The following PPP2R2D variants were observed in gnomAD, a reference collection of about 807,000 sequenced individuals.
PPP2R2D encodes the protein serine/threonine-protein phosphatase 2A 55 kDa regulatory subunit B delta isoform.
A neutral mutation model predicts 31.1 loss-of-function variants in PPP2R2D; 9 were observed. The ratio of observed to expected loss-of-function variants is 0.29; its 90% CI spans 0.17 to 0.51. The LOEUF (loss-of-function observed/expected upper bound fraction) is 0.51. Among genes scored for constraint, PPP2R2D ranks in the 20% least tolerant of loss-of-function variants. The pLI, the probability that PPP2R2D is intolerant of heterozygous loss-of-function variation, is 0.98. For missense variants in PPP2R2D, 391 were observed against 465.6 expected, an observed-to-expected ratio of 0.84 and a Z score of 1.48; for synonymous variants, 179 against 172.6, an observed-to-expected ratio of 1.04 and a Z score of -0.29.
At chr10:131,933,179 G>A (rs952593860) in intron 2 of PPP2R2D, among the ~76,000 whole-genome samples, 11 of 152,290 alleles carry the variant, frequency 7.2e-5, no homozygotes, top group African/African-American at 2.2e-4. Flanking sequence ...AGGGATTCCC[G>A]TGTGAGGCCA....
intron 8 of PPP2R2D, among the ~76,000 whole-genome samples, chr10:131,949,543 G>A (rs2036602647): frequency 6.6e-6 from 1 of 152,194 alleles, no homozygotes. Context: ...GAGCAAGTCA[G>A]CAGAACCACA....
chr10:131,934,986 C>T, intron 3 of PPP2R2D: 1 of 455,160 alleles, frequency 2.2e-6, no homozygotes, highest in Non-Finnish European at 4.4e-6. Flanking sequence ...GGTGTGAATT[C>T]TCTCTTCCCT....
chr10:131,955,733 GAC>G lies in PPP2R2D; in HGVS notation c.1135_1136del (p.Thr379AlafsTer29). 1.3e-6 allele frequency: 2 copies of G among 1,513,510 alleles called. No individual in the cohort carries two copies. Among genetic ancestry groups the G allele is most frequent in the East Asian group, 2.4e-5 (1 of 41,348 alleles). The allele number at this position is 1,513,510 out of a possible 1,614,324, so 93.8% of individuals were successfully genotyped here. A position where few individuals can be genotyped will look rare whatever the true frequency, so the allele number is the denominator to read the frequency against. On this transcript the variant is annotated frameshift_variant, in exon 9 of 9. Coordinates refer to ENST00000455566, the MANE Select transcript of PPP2R2D (RefSeq NM_018461.5). LOFTEE classifies it high-confidence loss of function. ...CAACTTCTTCAGGATGTTTGATAGA[GAC>G]ACGCGGAGGGATGTGACCCTGGAGG... ...YNNFFRMFDRDTRRDVTLEAS... is the reference protein window; with the variant it reads ...YNNFFRMFDRXTRRDVTLEAS...
At chr10:131,970,474 TG>T in the PPP2R2D span, 1 of 1,036,848 alleles carries the variant, frequency 9.6e-7, no homozygotes, top group Non-Finnish European at 1.4e-6. The surrounding 1 kb of genome is among the most constrained non-coding windows in gnomAD (Gnocchi z 4.1). Flanking sequence ...GGCTGCAGGC[TG>T]GTGGTTTCTG....
the PPP2R2D span, chr10:131,966,709 CGA>C: frequency 6.6e-6 from 1 of 152,074 alleles, no homozygotes; most frequent in Non-Finnish European, 1.5e-5. Context: ...TGCCACCACA[CGA>C]GGCTAATTTT....
At chr10:131,926,787 C>G (rs1487733266) in intron 2 of PPP2R2D, among the ~76,000 whole-genome samples, 1 of 152,222 alleles carries the variant, frequency 6.6e-6, no homozygotes, top group Non-Finnish European at 1.5e-5. Flanking sequence ...ACAGCTCTGC[C>G]AGGTGCCGCA....
intron 2 of PPP2R2D, among the ~76,000 whole-genome samples, chr10:131,921,490 T>TG (rs1197751994): frequency 2.6e-5 from 4 of 151,602 alleles, no homozygotes; most frequent in African/African-American, 9.7e-5. Context: ...TGGACCGGGA[T>TG]GGGGGATGGG....
intron 2 of PPP2R2D, among the ~76,000 whole-genome samples, chr10:131,904,829 G>T (rs2035557130): frequency 6.6e-6 from 1 of 152,202 alleles, no homozygotes; most frequent in African/African-American, 2.4e-5. Flanking sequence ...AGGCACTCCT[G>T]ACTTTGGAGG....
intron 2 of PPP2R2D, among the ~76,000 whole-genome samples, chr10:131,902,552 A>G (rs2035517715): frequency 1.3e-5 from 2 of 152,224 alleles, no homozygotes; most frequent in African/African-American, 4.8e-5. Context: ...GATTAAAACT[A>G]GGTGCATTTT....
chr10:131,969,112 C>T, the PPP2R2D span: 21,368 of 154,374 alleles, frequency 0.14, 1,568 homozygotes, highest in Middle Eastern at 0.16. Flanking sequence ...AGGGCAGAAT[C>T]GGAAGCCTGG....
chr10:131,927,980 G>C (rs1554895174), intron 2 of PPP2R2D, among the ~76,000 whole-genome samples: 1 of 152,200 alleles, frequency 6.6e-6, no homozygotes, highest in African/African-American at 2.4e-5. Flanking sequence ...CACGGGATAT[G>C]CATGTTTCAC....
intron 2 of PPP2R2D, among the ~76,000 whole-genome samples, chr10:131,920,547 A>C (rs2035965650): frequency 6.6e-6 from 1 of 152,268 alleles, no homozygotes; most frequent in Non-Finnish European, 1.5e-5. Context: ...ATATTGTAGC[A>C]TATGTCAGAA....
intron 2 of PPP2R2D, among the ~76,000 whole-genome samples, chr10:131,932,668 A>AAAAAAAAAAAAAAAC (rs1564817994): frequency 2.4e-5 from 3 of 126,552 alleles, no homozygotes; most frequent in South Asian, 2.3e-4. Context: ...AAAAAAAAAA[A>AAAAAAAAAAAAAAAC]CACACAAAAA....
At chr10:131,930,743 C>G (rs1455867384) in intron 2 of PPP2R2D, among the ~76,000 whole-genome samples, 1 of 152,206 alleles carries the variant, frequency 6.6e-6, no homozygotes, top group African/African-American at 2.4e-5. Flanking sequence ...CCTGGGTCTG[C>G]CATCAGCCAT....
At chr10:131,902,212 TTTG>T (rs1204206390) in intron 2 of PPP2R2D, among the ~76,000 whole-genome samples, 9 of 152,352 alleles carry the variant, frequency 5.9e-5, no homozygotes, top group African/African-American at 2.2e-4. Context: ...TAGTGACTTT[TTTG>T]TTGTTGTTCA....
intron 8 of PPP2R2D, among the ~76,000 whole-genome samples, chr10:131,951,321 C>CCACAGGTGCATCA (rs1554898740): frequency 6.6e-6 from 1 of 152,194 alleles, no homozygotes; most frequent in East Asian, 1.9e-4. Context: ...TGGAGACAGC[C>CCACAGGTGCATCA]CACAGGTGCA....
intron 2 of PPP2R2D, among the ~76,000 whole-genome samples, chr10:131,924,377 G>A (rs1326684760): frequency 6.6e-6 from 1 of 152,094 alleles, no homozygotes; most frequent in African/African-American, 2.4e-5. Context: ...TAAGGGTTCA[G>A]CTTTTTTCTT....
At chr10:131,911,394 T>C (rs1050460338) in intron 2 of PPP2R2D, among the ~76,000 whole-genome samples, 1 of 152,258 alleles carries the variant, frequency 6.6e-6, no homozygotes, top group Non-Finnish European at 1.5e-5. Flanking sequence ...CGTGTGCTTT[T>C]TCTTGAGACA....
chr10:131,936,843 C>T (rs1438156081), intron 3 of PPP2R2D, among the ~76,000 whole-genome samples: 7 of 152,224 alleles, frequency 4.6e-5, no homozygotes, highest in Non-Finnish European at 1.0e-4. Context: ...CTTCGTATTT[C>T]GGTTCACGTC....
Sources: gnomAD v4.1 joint callset for allele counts (sites outside exome capture counted in the v4.1 genomes callset) on GRCh38, gnomAD v4.1.1 for gene constraint, Gnocchi (gnomAD v3.1) non-coding constraint, MANE v1.5 for transcripts, NCBI Gene and HGNC (gene_info 2026-07-23, HGNC 2026-07-21) for gene names.